Variants in TEX2 observed in about 807,000 individuals in gnomAD.
TEX2 encodes testis expressed 2.
In TEX2, 53 loss-of-function variants were observed where a neutral mutation model predicts 106.9. That is an observed-to-expected ratio of 0.50 (90% CI 0.40 to 0.62). The LOEUF (loss-of-function observed/expected upper bound fraction) is 0.62. Ranked by LOEUF, TEX2 falls within the 20% of genes least tolerant of loss-of-function variation. The pLI, the probability that TEX2 is intolerant of heterozygous loss-of-function variation, is 0.00. For missense variants in TEX2, 1,207 were observed against 1,379.0 expected, an observed-to-expected ratio of 0.88 and a Z score of 1.98; for synonymous variants, 523 against 534.8, an observed-to-expected ratio of 0.98 and a Z score of 0.30.
At position 64,171,185 on chromosome 17, in the gene TEX2, CATAAA is replaced by C; in HGVS notation, c.2581_2585del (p.Phe861GlufsTer2). 6.2e-7 allele frequency: 1 copy of C among 1,613,950 alleles called. No individual in the cohort carries two copies. The highest frequency in any genetic ancestry group is 8.5e-7 in the Non-Finnish European group (1 of 1,179,910). ...CAAGTTCCGTCAGAGTGAGCTCATT[CATAAA>C]GTAGGGGAGCTAGAGGAAACAAGCA... On this transcript the variant is annotated frameshift_variant, in exon 7 of 12. Coordinates refer to ENST00000584379, the MANE Select transcript of TEX2 (RefSeq NM_001288732.2). LOFTEE classifies it high-confidence loss of function.
At chr17:64,193,355 C>A (rs906812467) in intron 4 of TEX2, among the ~76,000 whole-genome samples, 1 of 152,146 alleles carries the variant, frequency 6.6e-6, no homozygotes, top group Non-Finnish European at 1.5e-5. Flanking sequence ...CAAATGGATC[C>A]ATCATTGGTT....
chr17:64,168,901 G>GCTTTTTT (rs2031265469), intron 7 of TEX2, among the ~76,000 whole-genome samples: 1 of 35,240 alleles, frequency 2.8e-5, no homozygotes, highest in African/African-American at 1.0e-4. Flanking sequence ...CATAGATGGT[G>GCTTTTTT]CTTTTTTTTT....
intron 1 of TEX2, among the ~76,000 whole-genome samples, chr17:64,231,815 T>A (rs1386032368): frequency 6.6e-6 from 1 of 152,212 alleles, no homozygotes; most frequent in African/African-American, 2.4e-5. Context: ...TCCTTACATA[T>A]AATGCAGATA....
intron 7 of TEX2, among the ~76,000 whole-genome samples, chr17:64,166,608 G>A (rs1228073057): frequency 6.6e-6 from 1 of 152,162 alleles, no homozygotes; most frequent in South Asian, 2.1e-4. Flanking sequence ...AAAGAGCTAT[G>A]TTTTCTAAAT....
In TEX2 at chr17:64,263,245, C is replaced by G. The variant is rs868932333; in HGVS notation, c.-103G>C. 2 of 149,664 alleles carry G rather than the reference C, an allele frequency of 1.3e-5. No individual in the cohort carries two copies. The highest frequency in any genetic ancestry group is 4.9e-5 in the African/African-American group (2 of 41,100). The allele number at this position is 149,664 out of a possible 1,614,324, so 9.3% of individuals were successfully genotyped here. A position where few individuals can be genotyped will look rare whatever the true frequency, so the allele number is the denominator to read the frequency against. On this transcript the variant is annotated 5_prime_UTR_variant, in exon 1 of 12. Coordinates refer to ENST00000584379, the MANE Select transcript of TEX2 (RefSeq NM_001288732.2). The stretch of plus-strand genomic sequence containing the variant: ...CGCGCGACTCCGGCTTCGGCTGGGG[C>G]ACCGGCCGCGGTCCTGCTGCCCTGC...
intron 10 of TEX2, among the ~76,000 whole-genome samples, chr17:64,151,492 C>T (rs573020550): frequency 8.5e-5 from 13 of 152,264 alleles, no homozygotes; most frequent in Admixed American, 3.9e-4. Context: ...CCCAACAATA[C>T]GCTTTGTATG....
chr17:64,194,560 T>C (rs1038908981), intron 3 of TEX2, among the ~76,000 whole-genome samples: 1 of 152,194 alleles, frequency 6.6e-6, no homozygotes, highest in African/African-American at 2.4e-5. Flanking sequence ...AGCTTTTTGT[T>C]TGACTGAAAT....
intron 1 of TEX2, among the ~76,000 whole-genome samples, chr17:64,219,744 C>T (rs768730259): frequency 6.6e-6 from 1 of 152,072 alleles, no homozygotes; most frequent in Non-Finnish European, 1.5e-5. Flanking sequence ...ACATGAGGAA[C>T]AGTCCAAATT....
chr17:64,255,076 G>A (rs1052596089), intron 1 of TEX2, among the ~76,000 whole-genome samples: 39 of 140,980 alleles, frequency 2.8e-4, no homozygotes, highest in African/African-American at 1.0e-3. Flanking sequence ...ATGTTGCCTA[G>A]GCTGGTCTCA....
In TEX2 at chr17:64,254,070, T is replaced by C. The variant is rs1341946886; in HGVS notation, c.-26+9098A>G. ...CTCATCTTACCTTCTGAAACCTTCATACAAGCCACTTAACAGACGCCTCTC... is the reference window on the plus strand; with the variant it reads ...CTCATCTTACCTTCTGAAACCTTCACACAAGCCACTTAACAGACGCCTCTC... On this transcript the variant is annotated intron_variant, in intron 1 of 11. Transcript: ENST00000584379. Among the ~76,000 whole-genome samples, 4 of 152,172 alleles carry C rather than the reference T, an allele frequency of 2.6e-5. No homozygotes were observed. In the East Asian group the frequency reaches 7.7e-4, roughly 29 times the overall value.
chr17:64,220,533 G>T (rs1045299216), intron 1 of TEX2, among the ~76,000 whole-genome samples: 1 of 152,054 alleles, frequency 6.6e-6, no homozygotes, highest in Non-Finnish European at 1.5e-5. Flanking sequence ...CCATTAAAAA[G>T]TGGGCAAAGG....
chr17:64,176,518 A>G (rs8068147), intron 6 of TEX2, among the ~76,000 whole-genome samples: 124,613 of 152,190 alleles, frequency 0.82, 51,094 homozygotes, highest in Middle Eastern at 0.89. Flanking sequence ...GTTCAGTGAA[A>G]ATTTGGGATC....
At chr17:64,207,799 G>A (rs1237289152) in intron 2 of TEX2, among the ~76,000 whole-genome samples, 1 of 151,290 alleles carries the variant, frequency 6.6e-6, no homozygotes, top group Non-Finnish European at 1.5e-5. Context: ...GCAGTGGTGC[G>A]ATCGCAGCTC....
intron 1 of TEX2, among the ~76,000 whole-genome samples, chr17:64,254,992 G>C (rs909543358): frequency 1.3e-5 from 2 of 150,118 alleles, no homozygotes; most frequent in Non-Finnish European, 3.0e-5. Flanking sequence ...AGCCTGCCAA[G>C]TAGCTAGGAC....
At position 64,149,027 on chromosome 17, in the gene TEX2, G is replaced by A. The variant is rs745343824; in HGVS notation, c.3326C>T (p.Pro1109Leu). 8 of 1,614,210 alleles carry A rather than the reference G, an allele frequency of 5.0e-6. No individual in the cohort carries two copies. In the East Asian group the frequency reaches 1.8e-4, roughly 36 times the overall value. Reference sequence around the variant, plus strand: ...TTTCAGGAGGCAGGAAGTAGAGCGAGGGTCCATGGCTGAGTGCATTATAGT... The same window carrying A: ...TTTCAGGAGGCAGGAAGTAGAGCGAAGGTCCATGGCTGAGTGCATTATAGT... ...YITIMHSAMD[P>L]RSTSCLLKDP... Residue 1109 changes from proline to leucine, a missense_variant, in exon 12 of 12, where the codon CCT (proline) becomes CTT (leucine). Around this residue, in one of 3 missense-constraint regions of TEX2, gnomAD observed 77 missense variants for 73.2 expected, o/e 1.05. Transcript: ENST00000584379.
intron 3 of TEX2, among the ~76,000 whole-genome samples, chr17:64,194,459 T>C (rs2032399441): frequency 6.6e-6 from 1 of 152,242 alleles, no homozygotes; most frequent in Admixed American, 6.5e-5. Context: ...TAATACTTAA[T>C]CAAAATGTAG....
intron 1 of TEX2, among the ~76,000 whole-genome samples, chr17:64,225,905 AC>A (rs1555633839): frequency 1.3e-5 from 2 of 151,962 alleles, no homozygotes; most frequent in African/African-American, 4.8e-5. Context: ...TTTAGTAGAA[AC>A]AGAAATTCGC....
In TEX2 at chr17:64,152,965, T is replaced by C. The variant is rs1396495201; in HGVS notation, c.3120A>G (p.Pro1040=). ...CRGTLAVNIP[P]PPTDRVWYGF... is the part of the protein sequence containing the mutation. ...CGCACCATACTCGGTCAGTCGGGGGTGGTGGAATGTTGACCGCCAAGGTTC... is the reference window on the plus strand; with the variant it reads ...CGCACCATACTCGGTCAGTCGGGGGCGGTGGAATGTTGACCGCCAAGGTTC... Residue 1040 remains proline, a synonymous_variant, in exon 10 of 12, where the codon CCA becomes CCG. Coordinates refer to ENST00000584379, the MANE Select transcript of TEX2 (RefSeq NM_001288732.2). 6.2e-7 allele frequency: 1 copy of C among 1,613,742 alleles called. No individual in the cohort carries two copies. Among genetic ancestry groups the C allele is most frequent in the African/African-American group, 1.3e-5 (1 of 74,792 alleles).
chr17:64,174,153 G>A (rs1598139726), intron 6 of TEX2, among the ~76,000 whole-genome samples: 1 of 152,154 alleles, frequency 6.6e-6, no homozygotes, highest in East Asian at 1.9e-4. Context: ...ACATCCAACG[G>A]TGTTTCTATG....
Sources: allele counts gnomAD v4.1 joint callset (sites outside exome capture counted in the v4.1 genomes callset), GRCh38; gene constraint gnomAD v4.1.1; regional missense constraint gnomAD v4.1.1; transcripts MANE v1.5; gene names NCBI Gene and HGNC (gene_info 2026-07-23, HGNC 2026-07-21).